Variants in TRABD2B observed in about 807,000 individuals in gnomAD.
The protein encoded by TRABD2B is TraB domain containing 2B.
A neutral mutation model predicts 40.1 loss-of-function variants in TRABD2B; 14 were observed. The observed-to-expected ratio is 0.35, with a 90% CI of 0.23 to 0.55. The LOEUF (loss-of-function observed/expected upper bound fraction) is 0.55. TRABD2B is among the 20% of genes least tolerant of loss of function. TRABD2B has a pLI of 0.90. For missense variants in TRABD2B, 541 were observed against 648.6 expected (o/e 0.83, Z 1.80); for synonymous variants, 263 against 277.0 (o/e 0.95, Z 0.50).
intron 2 of TRABD2B, among the ~76,000 whole-genome samples, chr1:47,968,994 G>A (rs1645642360): frequency 6.6e-6 from 1 of 152,174 alleles, no homozygotes; most frequent in African/African-American, 2.4e-5. Context: ...GCCCTGGTAA[G>A]CATATGCTGA....
intron 2 of TRABD2B, among the ~76,000 whole-genome samples, chr1:47,979,935 G>A (rs1228326699): frequency 6.6e-6 from 1 of 152,166 alleles, no homozygotes; most frequent in Non-Finnish European, 1.5e-5. Context: ...AAGCCTGGGT[G>A]AGGTGTTCCA....
intron 2 of TRABD2B, among the ~76,000 whole-genome samples, chr1:47,811,229 T>C (rs904836198): frequency 4.6e-5 from 7 of 152,070 alleles, no homozygotes; most frequent in African/African-American, 1.7e-4. Flanking sequence ...CAACTGAAGA[T>C]GAAGGCAGCT....
chr1:47,768,844 C>T lies in TRABD2B; in HGVS notation c.1350-2738G>A, dbSNP rs150522881. Among the ~76,000 whole-genome samples the T allele has an allele frequency of 1.0e-3, 156 of 152,332 alleles. 1 individual carries two copies. Among genetic ancestry groups the T allele is most frequent in the African/African-American group, 3.5e-3 (145 of 41,572 alleles). ...CTGACATACATTGCTTGGTGCTATA[C>T]ACGTGTTATGTTATTATTATTCCCC... is the stretch of plus-strand genomic sequence containing the variant. On this transcript the variant is annotated intron_variant, in intron 6 of 6. Transcript: ENST00000606738.
chr1:47,799,871 C>CGTTCCT (rs1644798368), intron 3 of TRABD2B, among the ~76,000 whole-genome samples: 2 of 152,208 alleles, frequency 1.3e-5, no homozygotes, highest in Non-Finnish European at 2.9e-5. Context: ...CTTCCACAGG[C>CGTTCCT]TCCAAATGCT....
At chr1:47,954,143 C>T (rs1009481054) in intron 2 of TRABD2B, among the ~76,000 whole-genome samples, 3 of 152,134 alleles carry the variant, frequency 2.0e-5, no homozygotes, top group African/African-American at 4.8e-5. Flanking sequence ...ATTCAAATCA[C>T]GGTAGAGATG....
intron 2 of TRABD2B, among the ~76,000 whole-genome samples, chr1:47,962,252 T>A (rs946700891): frequency 6.6e-6 from 1 of 152,096 alleles, no homozygotes. Flanking sequence ...TTAGGAGATA[T>A]ACCTAATGTA....
At chr1:47,986,126 T>C (rs775895438) in intron 2 of TRABD2B, among the ~76,000 whole-genome samples, 1 of 151,886 alleles carries the variant, frequency 6.6e-6, no homozygotes, top group Non-Finnish European at 1.5e-5. Flanking sequence ...CTCTGGATAG[T>C]GAAGAGGAGA....
At chr1:47,769,394 T>C (rs12037415) in intron 6 of TRABD2B, among the ~76,000 whole-genome samples, 81,298 of 151,976 alleles carry the variant, frequency 0.53, 22,175 homozygotes, top group East Asian at 0.9. Context: ...TCTCACAAGG[T>C]GCCCAAAGGC....
chr1:47,790,215 G>A (rs1644652493), intron 4 of TRABD2B, among the ~76,000 whole-genome samples: 1 of 152,202 alleles, frequency 6.6e-6, no homozygotes, highest in African/African-American at 2.4e-5. Flanking sequence ...GCATCTACAA[G>A]CAACTGGACT....
At chr1:47,959,588 A>G (rs1461626312) in intron 2 of TRABD2B, among the ~76,000 whole-genome samples, 1 of 152,224 alleles carries the variant, frequency 6.6e-6, no homozygotes, top group Non-Finnish European at 1.5e-5. Flanking sequence ...AAATACCTCT[A>G]TGCAAATAAA....
chr1:47,798,113 G>A (rs996292769), intron 3 of TRABD2B, among the ~76,000 whole-genome samples: 3 of 152,150 alleles, frequency 2.0e-5, no homozygotes, highest in African/African-American at 7.2e-5. Flanking sequence ...TGCTCCTCTT[G>A]ATGAGGGTCA....
intron 2 of TRABD2B, among the ~76,000 whole-genome samples, chr1:47,971,754 C>T (rs1275101574): frequency 6.6e-6 from 1 of 152,226 alleles, no homozygotes; most frequent in African/African-American, 2.4e-5. Flanking sequence ...CCACCAAAGA[C>T]TTCCCATTCA....
intron 2 of TRABD2B, among the ~76,000 whole-genome samples, chr1:47,937,862 T>C (rs1645134706): frequency 6.6e-6 from 1 of 152,174 alleles, no homozygotes; most frequent in African/African-American, 2.4e-5. Context: ...CCCAGGGAGA[T>C]AAATCAAATG....
At chr1:47,829,235 A>G (rs545079893) in intron 2 of TRABD2B, among the ~76,000 whole-genome samples, 13 of 152,212 alleles carry the variant, frequency 8.5e-5, no homozygotes, top group Admixed American at 5.9e-4. Context: ...TGGCTTCTCA[A>G]ACCTCGAGCT....
chr1:47,980,482 C>G lies in TRABD2B; in HGVS notation c.666+13552G>C, dbSNP rs533085582. Among the ~76,000 whole-genome samples, 3 of 152,262 alleles carry G rather than the reference C, an allele frequency of 2.0e-5. No individual in the cohort carries two copies. The South Asian group carries it at 6.2e-4, about 32-fold the overall frequency. ...CCCCAGCTGCCATGGGGGTGGGGGA[C>G]TCAGGGTCAGCACTCAACAGTACAC... On this transcript the variant is annotated intron_variant, in intron 2 of 6. Coordinates refer to ENST00000606738, the MANE Select transcript of TRABD2B (RefSeq NM_001194986.2).
intron 2 of TRABD2B, among the ~76,000 whole-genome samples, chr1:47,935,492 C>T (rs1283873518): frequency 6.6e-6 from 1 of 152,116 alleles, no homozygotes; most frequent in East Asian, 1.9e-4. Flanking sequence ...CAGGAAATGA[C>T]CACTGAGCAA....
intron 2 of TRABD2B, among the ~76,000 whole-genome samples, chr1:47,853,151 C>T (rs1307140280): frequency 1.3e-5 from 2 of 152,104 alleles, no homozygotes; most frequent in African/African-American, 2.4e-5. Context: ...ATGCTAGGGC[C>T]GAGGGCCACT....
chr1:47,872,485 GC>G (rs1644157897), intron 2 of TRABD2B, among the ~76,000 whole-genome samples: 1 of 152,176 alleles, frequency 6.6e-6, no homozygotes, highest in Non-Finnish European at 1.5e-5. Context: ...AGAGCTAGCA[GC>G]CTGGGGTCCC....
At chr1:47,891,302 T>C (rs1187704482) in intron 2 of TRABD2B, among the ~76,000 whole-genome samples, 1 of 152,046 alleles carries the variant, frequency 6.6e-6, no homozygotes, top group Admixed American at 6.6e-5. Flanking sequence ...CACACAAATA[T>C]ACACGCCATG....
Sources: gnomAD v4.1 joint callset for allele counts (sites outside exome capture counted in the v4.1 genomes callset) on GRCh38, gnomAD v4.1.1 for gene constraint, MANE v1.5 for transcripts, NCBI Gene and HGNC (gene_info 2026-07-23, HGNC 2026-07-21) for gene names.